Variants in CADPS2 observed in about 807,000 individuals in gnomAD.
CADPS2 encodes the protein calcium-dependent secretion activator 2.
CADPS2 carries 93 observed loss-of-function variants against 172.5 expected under a neutral mutation model. That is an observed-to-expected ratio of 0.54 (90% CI 0.46 to 0.64). The LOEUF (loss-of-function observed/expected upper bound fraction) is 0.64, where lower values mean the gene tolerates loss of function less well. Ranked by LOEUF, CADPS2 falls within the 30% of genes least tolerant of loss-of-function variation. CADPS2 has a pLI of 0.00. For missense variants in CADPS2, 1,420 were observed against 1,565.9 expected, an observed-to-expected ratio of 0.91 and a Z score of 1.57; for synonymous variants, 546 against 555.2, an observed-to-expected ratio of 0.98 and a Z score of 0.23.
chr7:122,708,473 T>C (rs947116695), intron 2 of CADPS2, among the ~76,000 whole-genome samples: 1 of 145,522 alleles, frequency 6.9e-6, no homozygotes, highest in East Asian at 2.0e-4. Flanking sequence ...TATATATATA[T>C]ATATATATAT....
intron 1 of CADPS2, among the ~76,000 whole-genome samples, chr7:122,749,201 A>G (rs916124802): frequency 1.3e-5 from 2 of 152,184 alleles, no homozygotes; most frequent in Non-Finnish European, 2.9e-5. Context: ...AATTGATTCA[A>G]GTGTGCATTC....
intron 20 of CADPS2, among the ~76,000 whole-genome samples, chr7:122,405,052 A>C (rs1488007907): frequency 9.2e-5 from 14 of 152,142 alleles, no homozygotes; most frequent in Admixed American, 7.2e-4. Flanking sequence ...ATTGCACTCC[A>C]GCCTGGGCAA....
chr7:122,514,574 T>G (rs370141461), intron 8 of CADPS2, among the ~76,000 whole-genome samples: 8 of 152,108 alleles, frequency 5.3e-5, no homozygotes, highest in African/African-American at 1.9e-4. Context: ...GTGTAACATC[T>G]TGGGAGATGA....
At chr7:122,440,458 T>C (rs542622411) in intron 16 of CADPS2, 95 of 152,306 alleles carry the variant, frequency 6.2e-4, no homozygotes, top group African/African-American at 2.1e-3. Context: ...ATAAAAATTC[T>C]AATAAAACAT....
chr7:122,519,896 C>A (rs2060650703), intron 8 of CADPS2, among the ~76,000 whole-genome samples: 1 of 151,564 alleles, frequency 6.6e-6, no homozygotes, highest in South Asian at 2.1e-4. Context: ...AGTCCTTAAG[C>A]CAAAATAGTT....
intron 1 of CADPS2, among the ~76,000 whole-genome samples, chr7:122,821,415 G>A (rs1803245454): frequency 6.6e-6 from 1 of 151,996 alleles, no homozygotes; most frequent in Non-Finnish European, 1.5e-5. Context: ...GGATTATTCA[G>A]GCCCCCTCCC....
At chr7:122,703,413 T>C (rs2086482815) in intron 2 of CADPS2, among the ~76,000 whole-genome samples, 1 of 152,042 alleles carries the variant, frequency 6.6e-6, no homozygotes, top group Admixed American at 6.6e-5. Flanking sequence ...CTGTGGGAAG[T>C]AGGAGCAAAC....
intron 2 of CADPS2, among the ~76,000 whole-genome samples, chr7:122,690,607 C>A (rs540271762): frequency 3.3e-5 from 5 of 152,218 alleles, no homozygotes; most frequent in Non-Finnish European, 7.3e-5. Flanking sequence ...TATCTCTCAT[C>A]CTCGTAACTG....
chr7:122,438,190 T>A (rs368923379), intron 17 of CADPS2, 151 bp downstream of exon 17: 2 of 912,608 alleles, frequency 2.2e-6, no homozygotes. Flanking sequence ...AGGAAAAAGC[T>A]CTTCAGTTCA....
At chr7:122,796,756 A>C (rs1796457116) in intron 1 of CADPS2, among the ~76,000 whole-genome samples, 1 of 152,184 alleles carries the variant, frequency 6.6e-6, no homozygotes, top group South Asian at 2.1e-4. Flanking sequence ...AAAACTGAAA[A>C]AAAAAACCCT....
intron 17 of CADPS2, among the ~76,000 whole-genome samples, chr7:122,437,182 A>C (rs1265212121): frequency 6.6e-6 from 1 of 152,126 alleles, no homozygotes; most frequent in Non-Finnish European, 1.5e-5. Flanking sequence ...GAATGATCAA[A>C]TGTTCATTGC....
chr7:122,744,790 C>T (rs1225903023), intron 1 of CADPS2, among the ~76,000 whole-genome samples: 2 of 152,154 alleles, frequency 1.3e-5, no homozygotes, highest in African/African-American at 4.8e-5. Context: ...GACGCCTACC[C>T]ACATTCTCAT....
intron 1 of CADPS2, among the ~76,000 whole-genome samples, chr7:122,787,234 C>A (rs1200385328): frequency 1.3e-5 from 2 of 152,140 alleles, no homozygotes; most frequent in South Asian, 2.1e-4. Flanking sequence ...ACACCCCCAA[C>A]CCCAAGAAAA....
At chr7:122,481,612 C>T (rs1024512596) in intron 11 of CADPS2, among the ~76,000 whole-genome samples, 9 of 151,850 alleles carry the variant, frequency 5.9e-5, no homozygotes, top group Admixed American at 6.6e-5. Flanking sequence ...TGGTAGCATA[C>T]ACCTGTAATC....
intron 2 of CADPS2, chr7:122,702,461 T>A: frequency 1.2e-6 from 2 of 1,613,796 alleles, no homozygotes; most frequent in East Asian, 4.5e-5. Context: ...TGAGTCTGCC[T>A]GTTTGGGCCT....
At chr7:122,480,674 CT>C (rs2057182655) in intron 12 of CADPS2, among the ~76,000 whole-genome samples, 177 bp downstream of exon 12, 1 of 152,054 alleles carries the variant, frequency 6.6e-6, no homozygotes, top group Non-Finnish European at 1.5e-5. Flanking sequence ...GTTGTTTCTA[CT>C]TTTTTTGTTG....
chr7:122,831,328 T>C (rs1007176568), intron 1 of CADPS2, among the ~76,000 whole-genome samples: 43 of 152,202 alleles, frequency 2.8e-4, no homozygotes, highest in African/African-American at 1.0e-3. Context: ...CATTTGGGTG[T>C]TTTCGCTCAA....
At chr7:122,850,868 T>C (rs1282211031) in intron 1 of CADPS2, among the ~76,000 whole-genome samples, 1 of 152,230 alleles carries the variant, frequency 6.6e-6, no homozygotes, top group Admixed American at 6.5e-5. Context: ...TTTAAGGGGC[T>C]GGCCCTCCTG....
At chr7:122,556,651 C>A (rs1234769621) in intron 7 of CADPS2, among the ~76,000 whole-genome samples, 1 of 152,040 alleles carries the variant, frequency 6.6e-6, no homozygotes, top group Non-Finnish European at 1.5e-5. Flanking sequence ...ATATCGAATA[C>A]CATTTTTTCT....
Sources: gnomAD v4.1 joint callset for allele counts (sites outside exome capture counted in the v4.1 genomes callset) on GRCh38, gnomAD v4.1.1 for gene constraint, MANE v1.5 for transcripts, NCBI Gene and HGNC (gene_info 2026-07-23, HGNC 2026-07-21) for gene names.